Variants in GLRA2 observed in about 807,000 individuals in gnomAD.
The protein encoded by GLRA2 is glycine receptor alpha 2.
Under a neutral mutation model 31.6 loss-of-function variants are expected in GLRA2, and 11 were observed. That is an observed-to-expected ratio of 0.35 (90% CI 0.22 to 0.58). The LOEUF is 0.58. Ranked by LOEUF, GLRA2 falls within the 20% of genes least tolerant of loss-of-function variation. GLRA2 has a pLI of 0.84. For synonymous variants in GLRA2, 132 were observed against 134.0 expected (o/e 0.99, Z 0.10); for missense variants, 212 against 351.8 (o/e 0.60, Z 3.18).
At chrX:14,485,693 C>CCCTACTGCCACCACT in the GLRA2 span, among the ~76,000 whole-genome samples, 1 of 111,452 alleles carries the variant, frequency 9.0e-6, no homozygotes, top group East Asian at 2.8e-4. Context: ...ATGTCACCAC[C>CCCTACTGCCACCACT]CCTACTGCCA....
At chrX:14,467,779 G>A in the GLRA2 span, among the ~76,000 whole-genome samples, 2 of 110,069 alleles carry the variant, frequency 1.8e-5, no homozygotes, top group Non-Finnish European at 3.8e-5. Context: ...TGTTCCCCAG[G>A]TAATGAGGAA....
intron 8 of GLRA2, among the ~76,000 whole-genome samples, chrX:14,693,045 C>CA (rs55932806): frequency 1.2e-3 from 90 of 73,165 alleles, no homozygotes; most frequent in East Asian, 3.0e-3. Flanking sequence ...AGTATAATAA[C>CA]AAAAAAAAAA....
the GLRA2 span, among the ~76,000 whole-genome samples, chrX:14,515,905 C>G: frequency 7.2e-5 from 8 of 111,651 alleles, no homozygotes; most frequent in South Asian, 3.0e-3. Flanking sequence ...TTTGTTTCCC[C>G]CAACTGAATT....
chrX:14,599,379 C>T (rs927790085), intron 4 of GLRA2, among the ~76,000 whole-genome samples: 5 of 112,234 alleles, frequency 4.5e-5, no homozygotes, highest in Non-Finnish European at 9.4e-5. Context: ...GTCTGAGTGT[C>T]CAGGCAAGTT....
chrX:14,588,011 A>G (rs1183590381), intron 4 of GLRA2, among the ~76,000 whole-genome samples: 1 of 107,873 alleles, frequency 9.3e-6, no homozygotes, highest in East Asian at 2.9e-4. Context: ...GGTTCAAGTG[A>G]TTTTCTTGCC....
At chrX:14,634,296 A>G (rs1488354833) in intron 7 of GLRA2, among the ~76,000 whole-genome samples, 1 of 112,079 alleles carries the variant, frequency 8.9e-6, no homozygotes, top group Non-Finnish European at 1.9e-5. Context: ...ATATCACAGG[A>G]GAAAACCTGA....
chrX:14,539,741 A>G (rs764629290), intron 2 of GLRA2, among the ~76,000 whole-genome samples: 4 of 112,185 alleles, frequency 3.6e-5, no homozygotes, highest in Non-Finnish European at 7.5e-5. Context: ...TGAAAAGTCC[A>G]TAGGCAATTA....
the GLRA2 span, among the ~76,000 whole-genome samples, chrX:14,521,383 G>A: frequency 2.7e-5 from 3 of 111,869 alleles, no homozygotes; most frequent in African/African-American, 9.7e-5. Context: ...CTCTCCCGAA[G>A]ATAGGACACA....
chrX:14,510,245 G>A, the GLRA2 span, among the ~76,000 whole-genome samples: 1 of 111,759 alleles, frequency 8.9e-6, no homozygotes, highest in African/African-American at 3.3e-5. Flanking sequence ...AAGAGCTGTA[G>A]CGATAGAAGA....
intron 8 of GLRA2, among the ~76,000 whole-genome samples, chrX:14,727,868 C>T (rs1316106249): frequency 9.0e-6 from 1 of 111,482 alleles, no homozygotes; most frequent in African/African-American, 3.3e-5. Flanking sequence ...CTGAAAGTTC[C>T]ATGCAGATAG....
chrX:14,665,721 T>A (rs909621854), intron 7 of GLRA2, among the ~76,000 whole-genome samples: 6 of 112,226 alleles, frequency 5.3e-5, no homozygotes, highest in Admixed American at 9.5e-5. Flanking sequence ...GTCCTTTCCA[T>A]AGACATAAAT....
At chrX:14,581,700 T>C (rs763973524) in intron 4 of GLRA2, among the ~76,000 whole-genome samples, 34 of 109,924 alleles carry the variant, frequency 3.1e-4, no homozygotes, top group Non-Finnish European at 6.1e-4. Context: ...TTCCGTTCAA[T>C]TGCCATTAAG....
At chrX:14,591,156 AG>A (rs755727158) in intron 4 of GLRA2, among the ~76,000 whole-genome samples, 166 of 112,369 alleles carry the variant, frequency 1.5e-3, no homozygotes, top group Non-Finnish European at 2.4e-3. Flanking sequence ...CAACAGAGTA[AG>A]GATCTTGTAT....
At position 14,559,153 on chromosome X, in the gene GLRA2, C is replaced by T. The variant is rs536429736; in HGVS notation, c.203-15180C>T. Among the ~76,000 whole-genome samples, 18 of 111,832 alleles carry T rather than the reference C, an allele frequency of 1.6e-4. No homozygotes were observed. In the South Asian group the frequency reaches 5.2e-3, roughly 32 times the overall value. ...ATGGCAATTTTCTAATTTCTATCAA[C>T]ATGGCTTGTCCAAAGCAAATGGTTT... On this transcript the variant is annotated intron_variant, in intron 2 of 8. Transcript: ENST00000218075.
chrX:14,456,971 T>C, the GLRA2 span, among the ~76,000 whole-genome samples: 5 of 111,933 alleles, frequency 4.5e-5, no homozygotes, highest in African/African-American at 1.6e-4. Context: ...TTAACATTAC[T>C]ATCAACTGTG....
chrX:14,586,031 A>C (rs779879436), intron 4 of GLRA2, among the ~76,000 whole-genome samples: 2 of 111,936 alleles, frequency 1.8e-5, no homozygotes, highest in Admixed American at 1.9e-4. Flanking sequence ...AATTAACTCT[A>C]TATGGGCACC....
rs7059522 is a variant in GLRA2 at position 14,638,292 on chromosome X, A to G, written c.930+29087A>G. On this transcript the variant is annotated intron_variant, in intron 7 of 8. Transcript: ENST00000218075. ...TCTGCACAATGTACTTTCAAAACCT[A>G]TAATTATAACTTTTGCCATATCTTC... 2.5e-3 allele frequency among the ~76,000 whole-genome samples: 273 copies of G among 110,953 alleles called. 3 individuals are homozygous for G. The highest frequency in any genetic ancestry group is 8.5e-3 in the African/African-American group (260 of 30,604).
At chrX:14,527,352 C>A (rs765540688), upstream of GLRA2, among the ~76,000 whole-genome samples, 2 of 112,011 alleles carry the variant, frequency 1.8e-5, no homozygotes, top group Non-Finnish European at 3.8e-5. Flanking sequence ...CGCGGTGGCT[C>A]ACGCCTGTAA....
chrX:14,626,165 A>G (rs370465504), intron 7 of GLRA2, among the ~76,000 whole-genome samples: 2 of 112,377 alleles, frequency 1.8e-5, no homozygotes, highest in East Asian at 5.6e-4. Context: ...TAGGGAAACT[A>G]AAACATAAAT....
Sources: gnomAD v4.1 joint callset for allele counts (sites outside exome capture counted in the v4.1 genomes callset) on GRCh38, gnomAD v4.1.1 for gene constraint, MANE v1.5 for transcripts, NCBI Gene and HGNC (gene_info 2026-07-23, HGNC 2026-07-21) for gene names.